The following CTNNA3 variants were observed in gnomAD, a reference collection of about 807,000 sequenced individuals.
CTNNA3 encodes catenin alpha 3.
In CTNNA3, 76 loss-of-function variants were observed where a neutral mutation model predicts 95.7. The observed-to-expected ratio is 0.79, with a 90% CI of 0.66 to 0.96. The LOEUF is 0.96. Among genes scored for constraint, CTNNA3 ranks in the 40% least tolerant of loss-of-function variants. The pLI is 0.00. For missense variants in CTNNA3, 1,191 were observed against 1,089.8 expected (o/e 1.09, Z -1.31); for synonymous variants, 431 against 374.4 (o/e 1.15, Z -1.74).
At position 66,176,262 on chromosome 10, in the gene CTNNA3, G is replaced by A. The variant is rs116076332; in HGVS notation, c.1885-73013C>T. On this transcript the variant is annotated intron_variant, in intron 13 of 17. Coordinates refer to ENST00000433211, the MANE Select transcript of CTNNA3 (RefSeq NM_013266.4). ...TTCTTAAGAGAATGTGACAGTTGAT[G>A]GTCTGAAAGTAAAGAAAAGGAGAAA... 6.0e-3 allele frequency among the ~76,000 whole-genome samples: 919 copies of A among 152,106 alleles called. 4 individuals carry two copies. Among genetic ancestry groups the A allele is most frequent in the African/African-American group, 0.021 (869 of 41,484 alleles).
chr10:67,288,501 A>C (rs1027028295), intron 5 of CTNNA3, among the ~76,000 whole-genome samples: 1 of 152,216 alleles, frequency 6.6e-6, no homozygotes, highest in Non-Finnish European at 1.5e-5. Context: ...TTTGTACTGC[A>C]TATTATCTGT....
At position 66,036,359 on chromosome 10, in the gene CTNNA3, G is replaced by GT. The variant is rs531803802; in HGVS notation, c.2159+32948dup. Among the ~76,000 whole-genome samples the GT allele has an allele frequency of 3.2e-4, 48 of 151,860 alleles. 2 individuals are homozygous for GT. In the South Asian group the frequency reaches 9.6e-3, roughly 30 times the overall value. On this transcript the variant is annotated intron_variant, in intron 15 of 17. Transcript: ENST00000433211. ...CATGCATGTTTAAAAGGACCACCAG[G>GT]TTTTTTTTGTTTTTGTTTTTGTTTT...
chr10:67,427,376 G>A (rs1319159732), intron 5 of CTNNA3, among the ~76,000 whole-genome samples: 1 of 151,950 alleles, frequency 6.6e-6, no homozygotes, highest in Non-Finnish European at 1.5e-5. Context: ...GGGGAAGGGA[G>A]TACTAAAAAG....
At position 67,004,904 on chromosome 10, in the gene CTNNA3, G is replaced by A. The variant is rs148380498; in HGVS notation, c.1047+175413C>T. On this transcript the variant is annotated intron_variant, in intron 7 of 17. Coordinates refer to ENST00000433211, the MANE Select transcript of CTNNA3 (RefSeq NM_013266.4). ...AAAAGGGAAATAACTCTAGTAGAAC[G>A]CAGTATTTTAAGAACAGATTTTGTT... Among the ~76,000 whole-genome samples, 253 of 152,192 alleles carry A rather than the reference G, an allele frequency of 1.7e-3. 5 individuals are homozygous for A. Among genetic ancestry groups the A allele is most frequent in the African/African-American group, 5.8e-3 (241 of 41,520 alleles).
intron 9 of CTNNA3, among the ~76,000 whole-genome samples, chr10:66,705,993 T>A (rs1407819720): frequency 1.3e-5 from 2 of 152,132 alleles, no homozygotes; most frequent in Non-Finnish European, 2.9e-5. Context: ...CTCAGTTAAA[T>A]CTTTACTCAA....
At chr10:66,429,019 A>G (rs1167668618) in intron 11 of CTNNA3, among the ~76,000 whole-genome samples, 2 of 152,220 alleles carry the variant, frequency 1.3e-5, no homozygotes, top group Non-Finnish European at 2.9e-5. Flanking sequence ...AGACTAATAA[A>G]GAAGAAAAGA....
intron 11 of CTNNA3, among the ~76,000 whole-genome samples, chr10:66,427,757 A>G (rs55869850): frequency 0.12 from 17,810 of 152,080 alleles, 1,501 homozygotes; most frequent in African/African-American, 0.24. Flanking sequence ...AGGAAGTACT[A>G]AATATGGAAA....
At chr10:67,218,236 A>G (rs1864477705) in intron 6 of CTNNA3, among the ~76,000 whole-genome samples, 1 of 152,202 alleles carries the variant, frequency 6.6e-6, no homozygotes. Flanking sequence ...CCAGATACAG[A>G]CTACAGATGG....
At chr10:66,115,193 T>C (rs2082277620) in intron 13 of CTNNA3, among the ~76,000 whole-genome samples, 1 of 152,154 alleles carries the variant, frequency 6.6e-6, no homozygotes, top group African/African-American at 2.4e-5. Context: ...CAACGTTGCA[T>C]GATATTTGAA....
intron 11 of CTNNA3, among the ~76,000 whole-genome samples, chr10:66,489,052 A>G (rs750179354): frequency 2.0e-5 from 3 of 152,244 alleles, no homozygotes; most frequent in Non-Finnish European, 4.4e-5. Flanking sequence ...AATTAATTTG[A>G]TCTTTGGAGC....
chr10:67,635,156 T>A (rs117092367), intron 2 of CTNNA3, among the ~76,000 whole-genome samples: 9,116 of 151,782 alleles, frequency 0.06, 379 homozygotes, highest in Middle Eastern at 0.13. Flanking sequence ...CAATAATGAG[T>A]TCTGAAATTG....
intron 11 of CTNNA3, among the ~76,000 whole-genome samples, chr10:66,506,802 G>A (rs1422192580): frequency 6.6e-6 from 1 of 152,050 alleles, no homozygotes; most frequent in Middle Eastern, 3.2e-3. Flanking sequence ...ACCACTTCAT[G>A]GCTTGATGCT....
intron 10 of CTNNA3, among the ~76,000 whole-genome samples, chr10:66,524,529 G>C (rs1032583763): frequency 3.3e-5 from 5 of 152,054 alleles, no homozygotes; most frequent in African/African-American, 4.8e-5. Flanking sequence ...TATGAGGTTT[G>C]ACATAAAAAG....
chr10:66,759,068 C>A (rs1589223218), intron 9 of CTNNA3, among the ~76,000 whole-genome samples: 1 of 152,106 alleles, frequency 6.6e-6, no homozygotes, highest in African/African-American at 2.4e-5. Flanking sequence ...AAGTTGGATA[C>A]AAGGGTCCAA....
At chr10:66,317,501 G>A (rs12262281) in intron 12 of CTNNA3, among the ~76,000 whole-genome samples, 11 of 151,830 alleles carry the variant, frequency 7.2e-5, no homozygotes, top group African/African-American at 2.2e-4. Flanking sequence ...GTGAAACCCC[G>A]TCTTTACTAA....
At chr10:67,073,944 G>C (rs1206242625) in intron 7 of CTNNA3, among the ~76,000 whole-genome samples, 1 of 151,086 alleles carries the variant, frequency 6.6e-6, no homozygotes, top group African/African-American at 2.4e-5. Flanking sequence ...TAATAGCAGA[G>C]TTTCTAGGTT....
At chr10:67,408,102 A>T (rs1013613428) in intron 5 of CTNNA3, among the ~76,000 whole-genome samples, 1 of 152,248 alleles carries the variant, frequency 6.6e-6, no homozygotes, top group African/African-American at 2.4e-5. Flanking sequence ...GACACAAACA[A>T]ATGGAAAATC....
intron 10 of CTNNA3, among the ~76,000 whole-genome samples, chr10:66,543,847 T>C (rs1219128722): frequency 1.3e-5 from 2 of 149,144 alleles, no homozygotes; most frequent in Non-Finnish European, 3.0e-5. Context: ...TAGGTGAATG[T>C]ATTAAAATTG....
intron 9 of CTNNA3, among the ~76,000 whole-genome samples, chr10:66,626,381 T>C (rs1210725624): frequency 1.3e-5 from 2 of 148,610 alleles, no homozygotes; most frequent in African/African-American, 2.5e-5. Context: ...ATATAGTTAA[T>C]TGTAATATCA....
Sources: allele counts gnomAD v4.1 joint callset (sites outside exome capture counted in the v4.1 genomes callset), GRCh38; gene constraint gnomAD v4.1.1; transcripts MANE v1.5; gene names NCBI Gene and HGNC (gene_info 2026-07-23, HGNC 2026-07-21).